Variants in CADPS2 observed in about 807,000 individuals in gnomAD.
The protein encoded by CADPS2 is calcium dependent secretion activator 2.
CADPS2 carries 93 observed loss-of-function variants against 172.5 expected under a neutral mutation model. The ratio of observed to expected loss-of-function variants is 0.54; its 90% CI spans 0.46 to 0.64. The LOEUF (loss-of-function observed/expected upper bound fraction) is 0.64, where lower values mean the gene tolerates loss of function less well. Among genes scored for constraint, CADPS2 ranks in the 30% least tolerant of loss-of-function variants. The pLI is 0.00. For synonymous variants in CADPS2, 546 were observed against 555.2 expected, an observed-to-expected ratio of 0.98 and a Z score of 0.23; for missense variants, 1,420 against 1,565.9, an observed-to-expected ratio of 0.91 and a Z score of 1.57.
chr7:122,592,283 A>G (rs547880426), intron 6 of CADPS2, among the ~76,000 whole-genome samples: 3 of 152,260 alleles, frequency 2.0e-5, no homozygotes, highest in East Asian at 1.9e-4. Flanking sequence ...CAAAACCACA[A>G]TGAGATACCA....
At chr7:122,320,729 CATT>C (rs1563058135) in intron 29 of CADPS2, among the ~76,000 whole-genome samples, 1 of 152,004 alleles carries the variant, frequency 6.6e-6, no homozygotes, top group Non-Finnish European at 1.5e-5. Flanking sequence ...CTGAAAAATA[CATT>C]ATATTTTATA....
intron 27 of CADPS2, among the ~76,000 whole-genome samples, chr7:122,354,783 G>A (rs1238685891): frequency 6.6e-6 from 1 of 151,976 alleles, no homozygotes; most frequent in Non-Finnish European, 1.5e-5. Context: ...TTTTTCAAAT[G>A]TCTGTTGTCT....
chr7:122,408,952 C>T (rs960157160), intron 19 of CADPS2, among the ~76,000 whole-genome samples: 2 of 152,090 alleles, frequency 1.3e-5, no homozygotes, highest in African/African-American at 4.8e-5. Flanking sequence ...TAAGGAAGAA[C>T]AGTGTAGTAT....
chr7:122,753,058 A>G (rs918275390), intron 1 of CADPS2, among the ~76,000 whole-genome samples: 5 of 152,204 alleles, frequency 3.3e-5, no homozygotes, highest in Non-Finnish European at 5.9e-5. Flanking sequence ...GCAGTAGATC[A>G]AAGTTATTCA....
At chr7:122,540,485 C>G (rs753782758) in intron 8 of CADPS2, among the ~76,000 whole-genome samples, 1 of 152,086 alleles carries the variant, frequency 6.6e-6, no homozygotes, top group Non-Finnish European at 1.5e-5. Context: ...GTATGCTCCT[C>G]AATTTGGAAC....
chr7:122,738,020 G>T (rs1255203745), intron 1 of CADPS2, among the ~76,000 whole-genome samples: 3 of 152,102 alleles, frequency 2.0e-5, no homozygotes, highest in African/African-American at 7.2e-5. Context: ...GAACAGAGAG[G>T]CAGCAGGTAG....
chr7:122,599,841 TTA>T (rs2072484773), intron 6 of CADPS2, among the ~76,000 whole-genome samples: 1 of 152,052 alleles, frequency 6.6e-6, no homozygotes, highest in African/African-American at 2.4e-5. Context: ...ACTTTAACAT[TTA>T]TATTTCACCT....
chr7:122,850,875 C>A (rs1813390097), intron 1 of CADPS2, among the ~76,000 whole-genome samples: 1 of 152,226 alleles, frequency 6.6e-6, no homozygotes, highest in African/African-American at 2.4e-5. Context: ...GGCTGGCCCT[C>A]CTGCTTTGCA....
intron 3 of CADPS2, among the ~76,000 whole-genome samples, chr7:122,642,659 T>A (rs1185151946): frequency 6.6e-6 from 1 of 151,956 alleles, no homozygotes; most frequent in Non-Finnish European, 1.5e-5. Flanking sequence ...AGAAAAAAGA[T>A]CTTTTAAAAA....
intron 1 of CADPS2, among the ~76,000 whole-genome samples, chr7:122,879,571 G>T (rs1279145022): frequency 6.6e-6 from 1 of 151,820 alleles, no homozygotes. Flanking sequence ...GAAAAGAAAA[G>T]AAAAGAAATG....
intron 1 of CADPS2, among the ~76,000 whole-genome samples, chr7:122,767,158 A>G (rs1317481488): frequency 6.6e-6 from 1 of 152,212 alleles, no homozygotes; most frequent in African/African-American, 2.4e-5. Flanking sequence ...GAGTTTCTAA[A>G]TACATATTAT....
intron 15 of CADPS2, among the ~76,000 whole-genome samples, chr7:122,448,909 G>T (rs184334775): frequency 6.6e-6 from 1 of 152,132 alleles, no homozygotes; most frequent in East Asian, 1.9e-4. Context: ...TAGGCTTAAC[G>T]GCTAAGGTGT....
intron 24 of CADPS2, among the ~76,000 whole-genome samples, chr7:122,379,690 G>A (rs1335981555): frequency 6.6e-6 from 1 of 152,062 alleles, no homozygotes; most frequent in African/African-American, 2.4e-5. Context: ...GATGAATTGA[G>A]TTCTTATTCT....
intron 4 of CADPS2, among the ~76,000 whole-genome samples, chr7:122,624,619 G>A (rs1216745915): frequency 2.0e-5 from 3 of 152,196 alleles, no homozygotes; most frequent in Non-Finnish European, 4.4e-5. Context: ...ACAAATTAGA[G>A]CAGATTCAGT....
intron 1 of CADPS2, among the ~76,000 whole-genome samples, chr7:122,819,301 C>A (rs1382016928): frequency 6.6e-6 from 1 of 152,152 alleles, no homozygotes; most frequent in Non-Finnish European, 1.5e-5. Context: ...CTGTTCAACT[C>A]ACCTGGCAGC....
rs142195547 is a variant in CADPS2 at position 122,369,052 on chromosome 7, GT to G, written c.3388-8040del. On this transcript the variant is annotated intron_variant, in intron 25 of 29. Coordinates refer to ENST00000449022, the MANE Select transcript of CADPS2 (RefSeq NM_017954.11). ...TGACATTTCTTGTACCCTTTCCTTG[GT>G]AAGATTTAATGCTCCTATTTTTTTT... Among the ~76,000 whole-genome samples, 444 of 151,182 alleles carry G rather than the reference GT, an allele frequency of 2.9e-3. 2 individuals are homozygous for G. The highest frequency in any genetic ancestry group is 0.01 in the African/African-American group (424 of 41,202).
At chr7:122,513,523 G>A (rs1489348360) in intron 8 of CADPS2, among the ~76,000 whole-genome samples, 1 of 152,194 alleles carries the variant, frequency 6.6e-6, no homozygotes, top group Non-Finnish European at 1.5e-5. Flanking sequence ...TGATTTATGT[G>A]ACTTATCAAT....
intron 8 of CADPS2, among the ~76,000 whole-genome samples, chr7:122,515,246 A>T (rs2060270568): frequency 1.3e-5 from 2 of 152,092 alleles, no homozygotes; most frequent in African/African-American, 2.4e-5. Context: ...TCATTTAATG[A>T]CTGGCTGAGA....
At chr7:122,597,388 C>A (rs886930494) in intron 6 of CADPS2, among the ~76,000 whole-genome samples, 1 of 152,080 alleles carries the variant, frequency 6.6e-6, no homozygotes, top group Non-Finnish European at 1.5e-5. Flanking sequence ...AGCACTGCTG[C>A]TATGGTCTGA....
Sources: gnomAD v4.1 joint callset for allele counts (sites outside exome capture counted in the v4.1 genomes callset) on GRCh38, gnomAD v4.1.1 for gene constraint, MANE v1.5 for transcripts, NCBI Gene and HGNC (gene_info 2026-07-23, HGNC 2026-07-21) for gene names.